ADAM7: variants seen among roughly 807,000 people sequenced by gnomAD.
The protein encoded by ADAM7 is disintegrin and metalloproteinase domain-containing protein 7.
In ADAM7, 97 loss-of-function variants were observed where a neutral mutation model predicts 102.9. The observed-to-expected ratio is 0.94, with a 90% CI of 0.80 to 1.12. The LOEUF is 1.12. ADAM7 is among the 50% of genes most tolerant of loss of function. The pLI is 0.00. For missense variants in ADAM7, 991 were observed against 908.7 expected, an observed-to-expected ratio of 1.09 and a Z score of -1.16; for synonymous variants, 334 against 304.4, an observed-to-expected ratio of 1.10 and a Z score of -1.01.
At position 24,442,571 on chromosome 8, in the gene ADAM7, A is replaced by G. The variant is rs1042742456; in HGVS notation, c.151A>G (p.Ile51Val). 1.2e-6 allele frequency: 2 copies of G among 1,612,346 alleles called. No homozygotes were observed. The highest frequency in any genetic ancestry group is 2.2e-5 in the East Asian group (1 of 44,876). ...TACTGGACACACCCATGATGATGAC[A>G]TACTGGTACAAGTTTTGATTTAGTA... ...RDTGHTHDDD[I>V]LKTYEEELLY... Residue 51 changes from isoleucine to valine, a missense_variant, in exon 2 of 22, where the codon ATA becomes GTA. Ile to Val is a conservative substitution (Grantham distance 29, BLOSUM62 3). Coordinates refer to ENST00000175238, the MANE Select transcript of ADAM7 (RefSeq NM_003817.4).
Position 24,509,108 on chromosome 8 carries a change from A to C in ADAM7, c.*562A>C, listed in dbSNP as rs1821038595. 1.0e-6 allele frequency: 1 copy of C among 985,428 alleles called. No individual in the cohort carries two copies. The highest frequency in any genetic ancestry group is 1.2e-6 in the Non-Finnish European group (1 of 830,020). 61.0% of individuals were successfully genotyped at this position (985,428 alleles called of 1,614,324 possible). ...TGGACAGAACTGCAGGATAGTCCTTAAAATAATGGTGGTGGGAAAGGAAAA... is the reference window on the plus strand; with the variant it reads ...TGGACAGAACTGCAGGATAGTCCTTCAAATAATGGTGGTGGGAAAGGAAAA... On this transcript the variant is annotated 3_prime_UTR_variant, in exon 22 of 22. Transcript: ENST00000175238.
intron 4 of ADAM7, among the ~76,000 whole-genome samples, chr8:24,465,202 C>T (rs937322494): frequency 1.3e-5 from 2 of 151,950 alleles, no homozygotes; most frequent in Admixed American, 1.3e-4. Flanking sequence ...GTGTGAGGTC[C>T]CTGGAAGACC....
chr8:24,457,852 A>ATG (rs1819093630), intron 3 of ADAM7, among the ~76,000 whole-genome samples: 1 of 122,702 alleles, frequency 8.1e-6, no homozygotes. Flanking sequence ...GTGTATGTGC[A>ATG]TATGTGTGTG....
chr8:24,491,778 G>A, intron 13 of ADAM7, 125 bp from the exon 14 acceptor site: 1 of 629,236 alleles, frequency 1.6e-6, no homozygotes, highest in Non-Finnish European at 2.6e-6. Context: ...TGATGGAATG[G>A]AGAAGGAAGC....
At chr8:24,487,004 G>A (rs1246609489) in intron 10 of ADAM7, among the ~76,000 whole-genome samples, 183 bp from the exon 11 acceptor site, 1 of 151,928 alleles carries the variant, frequency 6.6e-6, no homozygotes, top group Non-Finnish European at 1.5e-5. Context: ...CACTTTCTTG[G>A]GTTTCTTATA....
At chr8:24,457,676 T>A (rs1819087209) in intron 3 of ADAM7, among the ~76,000 whole-genome samples, 2 of 152,192 alleles carry the variant, frequency 1.3e-5, no homozygotes, top group Non-Finnish European at 2.9e-5. Context: ...AGTAAAAATT[T>A]ATAATTTTAA....
At position 24,487,300 on chromosome 8, in the gene ADAM7, G is replaced by A. The variant is rs1430134296; in HGVS notation, c.1074G>A (p.Val358=). The A allele has an allele frequency of 1.2e-6, 2 of 1,613,488 alleles. No individual in the cohort carries two copies. The highest frequency in any genetic ancestry group is 1.7e-6 in the Non-Finnish European group (2 of 1,179,744). Reference sequence around the variant, plus strand: ...GCACCTGTCCTTCAGGAAAATGCGTGATGGACAGTGATGGAAGGTGAGATT... The same window carrying A: ...GCACCTGTCCTTCAGGAAAATGCGTAATGGACAGTGATGGAAGGTGAGATT... ...FPCTCPSGKC[V]MDSDGSIPAL... Residue 358 remains valine (V), a synonymous_variant, in exon 11 of 22, where the codon GTG becomes GTA. Transcript: ENST00000175238.
intron 2 of ADAM7, among the ~76,000 whole-genome samples, chr8:24,446,415 A>G (rs1211168969): frequency 6.6e-6 from 1 of 152,172 alleles, no homozygotes; most frequent in African/African-American, 2.4e-5. Context: ...ACTGCTATAA[A>G]TTGATGGTGA....
rs1818357909 is a variant in ADAM7, at chr8:24,441,080, T to G, written c.-29T>G. 6.2e-7 allele frequency: 1 copy of G among 1,606,404 alleles called. No homozygotes were observed. Among genetic ancestry groups the G allele is most frequent in the African/African-American group, 1.3e-5 (1 of 74,838 alleles). On this transcript the variant is annotated 5_prime_UTR_variant, in exon 1 of 22. Transcript: ENST00000175238. Reference sequence around the variant, plus strand: ...AGGTGAACTCCTTTTCTCAAGCACTTCTGCTCTCCTCTACCAGAATCACTC... The same window carrying G: ...AGGTGAACTCCTTTTCTCAAGCACTGCTGCTCTCCTCTACCAGAATCACTC...
intron 1 of ADAM7, among the ~76,000 whole-genome samples, chr8:24,442,157 GA>G (rs1331962301): frequency 6.5e-4 from 99 of 152,256 alleles, no homozygotes; most frequent in African/African-American, 2.0e-3. Flanking sequence ...CTGGCTGACA[GA>G]GCGAGACTCT....
At chr8:24,474,835 C>A (rs1470410573) in intron 7 of ADAM7, among the ~76,000 whole-genome samples, 1 of 152,024 alleles carries the variant, frequency 6.6e-6, no homozygotes, top group East Asian at 1.9e-4. Context: ...GTCGAGGCTG[C>A]AATGAGCCAT....
Position 24,509,529 on chromosome 8 carries a change from C to T in ADAM7, c.*983C>T, listed in dbSNP as rs143508743. The T allele has an allele frequency of 2.9e-3, 2,826 of 984,076 alleles. 14 individuals are homozygous for T. The highest frequency in any genetic ancestry group is 0.024 in the Middle Eastern group (46 of 1,914). 61.0% of individuals were successfully genotyped at this position (984,076 alleles called of 1,614,324 possible). On this transcript the variant is annotated 3_prime_UTR_variant, in exon 22 of 22. Coordinates refer to ENST00000175238, the MANE Select transcript of ADAM7 (RefSeq NM_003817.4). ...AGTTCTAAATAAAAATATTCTGACT[C>T]GATGAAATAAATAAAGGCTACAAAA...
chr8:24,487,094 T>C, intron 10 of ADAM7, 93 bp from the exon 11 acceptor site: 2 of 1,346,160 alleles, frequency 1.5e-6, no homozygotes, highest in Middle Eastern at 1.9e-4. Context: ...AACTAGGAGC[T>C]AGAAGCCAGG....
intron 10 of ADAM7, among the ~76,000 whole-genome samples, chr8:24,485,668 C>A (rs1004119944): frequency 6.6e-6 from 1 of 152,116 alleles, no homozygotes; most frequent in African/African-American, 2.4e-5. Flanking sequence ...ACAAATAATG[C>A]ACATAAAGGT....
chr8:24,479,697 A>G (rs950345733), intron 8 of ADAM7, among the ~76,000 whole-genome samples: 1 of 151,922 alleles, frequency 6.6e-6, no homozygotes, highest in African/African-American at 2.4e-5. Context: ...TCTCTCCCAC[A>G]CTTGGCCTGA....
chr8:24,503,301 A>G (rs527365819), intron 20 of ADAM7, among the ~76,000 whole-genome samples: 1 of 152,324 alleles, frequency 6.6e-6, no homozygotes, highest in African/African-American at 2.4e-5. Context: ...AATTGTAGCA[A>G]CAGCGATAAT....
At chr8:24,471,697 GA>G (rs1294980610) in intron 7 of ADAM7, among the ~76,000 whole-genome samples, 1 of 151,830 alleles carries the variant, frequency 6.6e-6, no homozygotes, top group Non-Finnish European at 1.5e-5. Flanking sequence ...AATCACCTAA[GA>G]ATTCATTTCT....
chr8:24,449,695 T>C (rs1818705907), intron 3 of ADAM7, among the ~76,000 whole-genome samples: 1 of 152,176 alleles, frequency 6.6e-6, no homozygotes, highest in Non-Finnish European at 1.5e-5. Flanking sequence ...TGCCATTGCT[T>C]TTGGTGTTTT....
At chr8:24,484,313 C>A (rs956678059) in intron 9 of ADAM7, among the ~76,000 whole-genome samples, 1 of 152,194 alleles carries the variant, frequency 6.6e-6, no homozygotes, top group African/African-American at 2.4e-5. Flanking sequence ...GACCACCTAT[C>A]TTGTCTTTGA....
Sources: allele counts gnomAD v4.1 joint callset (sites outside exome capture counted in the v4.1 genomes callset), GRCh38; gene constraint gnomAD v4.1.1; transcripts MANE v1.5; gene names NCBI Gene and HGNC (gene_info 2026-07-23, HGNC 2026-07-21).